Variants in TMEM117 observed in about 807,000 individuals in gnomAD.
The protein encoded by TMEM117 is transmembrane protein 117.
A neutral mutation model predicts 52.4 loss-of-function variants in TMEM117; 27 were observed. The ratio of observed to expected loss-of-function variants is 0.51; its 90% confidence interval spans 0.38 to 0.71. The LOEUF (loss-of-function observed/expected upper bound fraction) is 0.71. Among genes scored for constraint, TMEM117 ranks in the 30% least tolerant of loss-of-function variants. The pLI is 0.00. For missense variants in TMEM117, 556 were observed against 630.5 expected (o/e 0.88, Z 1.26); for synonymous variants, 215 against 206.3 (o/e 1.04, Z -0.36).
intron 6 of TMEM117, among the ~76,000 whole-genome samples, chr12:44,336,717 T>G (rs1419437368): frequency 6.6e-6 from 1 of 151,992 alleles, no homozygotes; most frequent in Non-Finnish European, 1.5e-5. Flanking sequence ...AGGGGTTTTT[T>G]TTTGGAAAGC....
At chr12:44,114,077 G>T (rs1460776726) in intron 3 of TMEM117, among the ~76,000 whole-genome samples, 2 of 148,298 alleles carry the variant, frequency 1.3e-5, no homozygotes, top group East Asian at 4.1e-4. Flanking sequence ...CGCGCACGGT[G>T]CGCACACACA....
chr12:44,030,143 A>G (rs1259373133), intron 3 of TMEM117, among the ~76,000 whole-genome samples: 1 of 152,234 alleles, frequency 6.6e-6, no homozygotes, highest in Non-Finnish European at 1.5e-5. Context: ...GACTTAAGTA[A>G]TCTTTAGGAA....
At chr12:44,217,101 T>C (rs1199652119) in intron 5 of TMEM117, among the ~76,000 whole-genome samples, 1 of 152,076 alleles carries the variant, frequency 6.6e-6, no homozygotes, top group Non-Finnish European at 1.5e-5. Context: ...AAATATGGTA[T>C]GGAGAGTAAC....
At chr12:43,901,248 C>A (rs1161224989) in intron 2 of TMEM117, among the ~76,000 whole-genome samples, 1 of 152,112 alleles carries the variant, frequency 6.6e-6, no homozygotes, top group Non-Finnish European at 1.5e-5. Context: ...AGTTATTTTT[C>A]TCCAGATGCT....
chr12:43,863,803 TGAG>T (rs1251358178), intron 2 of TMEM117, among the ~76,000 whole-genome samples: 2 of 152,126 alleles, frequency 1.3e-5, no homozygotes, highest in South Asian at 2.1e-4. Flanking sequence ...TGGCCACACT[TGAG>T]GAGCCCTTCA....
intron 5 of TMEM117, among the ~76,000 whole-genome samples, chr12:44,212,165 A>C (rs1949654779): frequency 6.6e-6 from 1 of 152,176 alleles, no homozygotes; most frequent in Non-Finnish European, 1.5e-5. Flanking sequence ...GAAAATATTA[A>C]ATGGAATGTT....
chr12:44,202,053 A>T (rs1451327889), intron 4 of TMEM117, among the ~76,000 whole-genome samples: 1 of 152,072 alleles, frequency 6.6e-6, no homozygotes, highest in Non-Finnish European at 1.5e-5. Flanking sequence ...TGATAAATAA[A>T]ATAGGAATAT....
At chr12:44,376,763 A>G in intron 7 of TMEM117, 39 bp downstream of exon 7, 2 of 1,563,472 alleles carry the variant, frequency 1.3e-6, no homozygotes, top group African/African-American at 2.7e-5. Context: ...TTATCTTCGT[A>G]CATTAGTTAG....
At chr12:43,894,040 T>C (rs1476944953) in intron 2 of TMEM117, among the ~76,000 whole-genome samples, 3 of 152,150 alleles carry the variant, frequency 2.0e-5, no homozygotes, top group Admixed American at 6.5e-5. Flanking sequence ...CCATTCCTCT[T>C]AAAGGCCAGG....
chr12:44,250,517 T>C (rs1441096851), intron 5 of TMEM117, among the ~76,000 whole-genome samples: 2 of 152,218 alleles, frequency 1.3e-5, no homozygotes, highest in Admixed American at 6.5e-5. Flanking sequence ...TAAATCATTC[T>C]ACTATAAAGA....
chr12:44,147,927 G>C (rs1189867085), intron 4 of TMEM117, among the ~76,000 whole-genome samples: 1 of 141,978 alleles, frequency 7.0e-6, no homozygotes, highest in Non-Finnish European at 1.5e-5. Context: ...GCGAGACTCT[G>C]TCTCAAAAAA....
chr12:44,195,396 A>G (rs955166602), intron 4 of TMEM117, among the ~76,000 whole-genome samples: 26 of 152,156 alleles, frequency 1.7e-4, no homozygotes, highest in African/African-American at 6.3e-4. Flanking sequence ...TAAAGGACTC[A>G]TATGAGTAAA....
chr12:44,316,212 T>G (rs1951052379), intron 6 of TMEM117, among the ~76,000 whole-genome samples: 1 of 152,202 alleles, frequency 6.6e-6, no homozygotes, highest in African/African-American at 2.4e-5. Flanking sequence ...GTATTGTTAT[T>G]TTGTTTCCAT....
chr12:43,969,000 A>G lies in TMEM117; in HGVS notation c.410+24658A>G, dbSNP rs111260327. ...AATTTTACTTTGGGAAGTAAGATTT[A>G]TATTGTAAGCGGAAATATAAAAAGA... On this transcript the variant is annotated intron_variant, in intron 3 of 7. Transcript: ENST00000266534. Among the ~76,000 whole-genome samples the G allele has an allele frequency of 6.6e-3, 1,009 of 152,262 alleles. 17 individuals carry two copies. The highest frequency in any genetic ancestry group is 0.022 in the African/African-American group (926 of 41,506).
At chr12:44,353,212 G>A (rs1224473194) in intron 6 of TMEM117, among the ~76,000 whole-genome samples, 4 of 151,962 alleles carry the variant, frequency 2.6e-5, no homozygotes, top group African/African-American at 9.7e-5. Flanking sequence ...TGTCAGATGA[G>A]TAGGTTGTGA....
intron 6 of TMEM117, among the ~76,000 whole-genome samples, chr12:44,355,674 T>C (rs1020779034): frequency 6.6e-6 from 1 of 152,090 alleles, no homozygotes; most frequent in Non-Finnish European, 1.5e-5. Flanking sequence ...CTTGAGTGTG[T>C]TGATGATCAA....
intron 4 of TMEM117, among the ~76,000 whole-genome samples, chr12:44,157,482 T>G (rs1009497253): frequency 1.3e-5 from 2 of 152,154 alleles, no homozygotes; most frequent in Non-Finnish European, 2.9e-5. Flanking sequence ...AATTTTAACA[T>G]CTTTTTATTG....
rs546041201 is a variant in TMEM117, at chr12:43,922,196, GTCTC to G, written c.278-22004_278-22001del. ...TCTGTCTCTGCTTCTCTCTGTCTCT[GTCTC>G]TCTCTCTCTTTCTTGGTATTAGAAG... On this transcript the variant is annotated intron_variant, in intron 2 of 7. Coordinates refer to ENST00000266534, the MANE Select transcript of TMEM117 (RefSeq NM_032256.3). Among the ~76,000 whole-genome samples, 150 of 151,958 alleles carry G rather than the reference GTCTC, an allele frequency of 9.9e-4. 1 individual carries two copies. The highest frequency in any genetic ancestry group is 3.1e-3 in the African/African-American group (130 of 41,490).
intron 6 of TMEM117, among the ~76,000 whole-genome samples, chr12:44,311,179 G>GTA (rs367612892): frequency 1.8e-3 from 269 of 151,212 alleles, no homozygotes; most frequent in Non-Finnish European, 2.8e-3. Context: ...TTTTATGTGA[G>GTA]TATATATATA....
Sources: gnomAD v4.1 joint callset for allele counts (sites outside exome capture counted in the v4.1 genomes callset) on GRCh38, gnomAD v4.1.1 for gene constraint, MANE v1.5 for transcripts, NCBI Gene and HGNC (gene_info 2026-07-23, HGNC 2026-07-21) for gene names.